The following ACER1 variants were observed in gnomAD, a reference collection of about 807,000 sequenced individuals.
The protein encoded by ACER1 is alkaline ceramidase 1, also known as CTB-180A7.3.
A neutral mutation model predicts 24.9 loss-of-function variants in ACER1; 28 were observed. That is an observed-to-expected ratio of 1.13 (90% CI 0.83 to 1.54). The LOEUF (loss-of-function observed/expected upper bound fraction) is 1.54, where lower values mean the gene tolerates loss of function less well. Ranked by LOEUF, ACER1 falls within the 40% of genes most tolerant of loss-of-function variation. The pLI, the probability that ACER1 is intolerant of heterozygous loss-of-function variation, is 0.00. For synonymous variants in ACER1, 132 were observed against 131.4 expected, an observed-to-expected ratio of 1.00 and a Z score of -0.03; for missense variants, 352 against 349.3, an observed-to-expected ratio of 1.01 and a Z score of -0.06.
chr19:6,311,551 G>A (rs974821093), intron 3 of ACER1, among the ~76,000 whole-genome samples: 1 of 151,430 alleles, frequency 6.6e-6, no homozygotes, highest in East Asian at 1.9e-4. Context: ...CAAAAAGGAA[G>A]AAGAAGGAGG....
chr19:6,325,985 G>T (rs1016948407), intron 1 of ACER1, among the ~76,000 whole-genome samples: 4 of 151,736 alleles, frequency 2.6e-5, no homozygotes, highest in African/African-American at 4.8e-5. Context: ...GGCAGGGTCT[G>T]GTTTTGTCCC....
At chr19:6,326,191 T>A (rs1057352943) in intron 1 of ACER1, among the ~76,000 whole-genome samples, 1 of 145,832 alleles carries the variant, frequency 6.9e-6, no homozygotes, top group East Asian at 2.1e-4. Flanking sequence ...AGTGGCACCA[T>A]CTCGGCTCAC....
chr19:6,321,669 G>A (rs528241272), intron 1 of ACER1, among the ~76,000 whole-genome samples: 1 of 151,592 alleles, frequency 6.6e-6, no homozygotes, highest in Non-Finnish European at 1.5e-5. Context: ...GGTTCAGTGC[G>A]CAATCTCAGC....
intron 1 of ACER1, among the ~76,000 whole-genome samples, chr19:6,332,473 A>C (rs1336227919): frequency 6.6e-6 from 1 of 151,742 alleles, no homozygotes; most frequent in Non-Finnish European, 1.5e-5. Context: ...GGGTCTTGCT[A>C]TGTTGCCCAG....
At chr19:6,333,692 C>T, upstream of ACER1, 1 of 637,532 alleles carries the variant, frequency 1.6e-6, no homozygotes, top group Non-Finnish European at 2.7e-6. Context: ...TGCTGGGCCG[C>T]TCCCCAGTTG....
intron 4 of ACER1, 38 bp from the exon 5 acceptor site, chr19:6,307,328 G>A (rs1192098673): frequency 2.0e-5 from 32 of 1,609,568 alleles, no homozygotes; most frequent in African/African-American, 2.7e-5. Flanking sequence ...CTGGCTCGGA[G>A]AGCAGCACCT....
intron 1 of ACER1, among the ~76,000 whole-genome samples, chr19:6,320,140 T>C (rs1008903524): frequency 1.3e-5 from 2 of 151,110 alleles, no homozygotes; most frequent in East Asian, 3.9e-4. Context: ...GAAAAGTTTG[T>C]TGAATACATC....
chr19:6,348,358 T>C, the ACER1 span, among the ~76,000 whole-genome samples: 51,648 of 150,460 alleles, frequency 0.34, 14,861 homozygotes, highest in African/African-American at 0.79. Context: ...TCAGCTACTC[T>C]GGAGGCTGAG....
rs753243231 is a variant in ACER1, at chr19:6,306,733, C to T, written c.776G>A (p.Gly259Asp). The part of the protein sequence containing the change: ...PVGLPYVEIR[G>D]DDKDC Reference sequence around the variant, plus strand: ...CAGGTCTCAGCAGTCCTTGTCATCACCCCGGATTTCCACGTAGGGCAGCCC... The same window carrying T: ...CAGGTCTCAGCAGTCCTTGTCATCATCCCGGATTTCCACGTAGGGCAGCCC... The change falls in exon 6 of 6, where the codon GGT becomes GAT. Residue 259 changes from glycine (G) to aspartate (D), a missense_variant. Coordinates refer to ENST00000301452, the MANE Select transcript of ACER1 (RefSeq NM_133492.3). The T allele has an allele frequency of 6.2e-7, 1 of 1,611,318 alleles. No individual in the cohort carries two copies. The highest frequency in any genetic ancestry group is 8.5e-7 in the Non-Finnish European group (1 of 1,178,350).
chr19:6,308,639 T>C (rs1389955743), intron 4 of ACER1, among the ~76,000 whole-genome samples: 1 of 152,016 alleles, frequency 6.6e-6, no homozygotes, highest in Non-Finnish European at 1.5e-5. Flanking sequence ...CTTGTATGTT[T>C]TGGGGTAGAG....
chr19:6,313,367 C>T (rs1267919949), intron 1 of ACER1, among the ~76,000 whole-genome samples: 1 of 152,164 alleles, frequency 6.6e-6, no homozygotes, highest in Non-Finnish European at 1.5e-5. Flanking sequence ...GTGATCCTCC[C>T]ACCATAGCCT....
At chr19:6,350,914 T>G in the ACER1 span, among the ~76,000 whole-genome samples, 2 of 152,132 alleles carry the variant, frequency 1.3e-5, no homozygotes, top group Admixed American at 6.6e-5. Flanking sequence ...TCTGAGCCAA[T>G]AGAGAATTTG....
chr19:6,328,936 A>C (rs2091674724), intron 1 of ACER1, among the ~76,000 whole-genome samples: 1 of 151,864 alleles, frequency 6.6e-6, no homozygotes, highest in Admixed American at 6.6e-5. Flanking sequence ...CGGCCTTCCA[A>C]AGTGCTGGGA....
chr19:6,347,109 A>AAAAAAAATATATATATATAT, the ACER1 span, among the ~76,000 whole-genome samples: 36 of 113,776 alleles, frequency 3.2e-4, no homozygotes, highest in African/African-American at 1.8e-3. Flanking sequence ...AAAAAAAAAA[A>AAAAAAAATATATATATATAT]ATATATATAT....
chr19:6,324,144 A>G (rs1002000617), intron 1 of ACER1, among the ~76,000 whole-genome samples: 1 of 149,962 alleles, frequency 6.7e-6, no homozygotes, highest in Admixed American at 6.7e-5. Context: ...TCCCAGCTTC[A>G]AGCGATTCTC....
the ACER1 span, among the ~76,000 whole-genome samples, chr19:6,340,118 TA>T: frequency 6.6e-6 from 1 of 150,930 alleles, no homozygotes; most frequent in Non-Finnish European, 1.5e-5. Context: ...CTACTAAAAA[TA>T]AAAAAAATAA....
chr19:6,348,592 C>T, the ACER1 span, among the ~76,000 whole-genome samples: 3,911 of 151,704 alleles, frequency 0.026, 60 homozygotes, highest in Non-Finnish European at 0.04. Context: ...CATCCATTTA[C>T]AGGAGACTAG....
Position 6,312,373 on chromosome 19 carries a change from A to G in ACER1, c.208+12T>C, listed in dbSNP as rs924107604. The G allele has an allele frequency of 2.5e-6, 4 of 1,613,696 alleles. No individual in the cohort carries two copies. The highest frequency in any genetic ancestry group is 2.5e-6 in the Non-Finnish European group (3 of 1,179,758). On this transcript the variant is annotated intron_variant, in intron 2 of 5. Transcript: ENST00000301452. ...CTCCCGACTGTCACAGACCTGAACC[A>G]CACCTCCCTACCTATGATCATGAAG...
intron 1 of ACER1, among the ~76,000 whole-genome samples, chr19:6,326,581 T>C (rs1302423142): frequency 6.6e-6 from 1 of 151,944 alleles, no homozygotes; most frequent in African/African-American, 2.4e-5. Flanking sequence ...GCATTGTTGA[T>C]GTTCTTTCCC....
Sources: gnomAD v4.1 joint callset for allele counts (sites outside exome capture counted in the v4.1 genomes callset) on GRCh38, gnomAD v4.1.1 for gene constraint, MANE v1.5 for transcripts, NCBI Gene and HGNC (gene_info 2026-07-23, HGNC 2026-07-21) for gene names.